CEP63: variants seen among roughly 807,000 people sequenced by gnomAD.
CEP63 encodes the protein centrosomal protein of 63 kDa.
In CEP63, 84 loss-of-function variants were observed where a neutral mutation model predicts 89.1. The observed-to-expected ratio is 0.94, with a 90% confidence interval of 0.79 to 1.13. The LOEUF (loss-of-function observed/expected upper bound fraction) is 1.13. CEP63 is among the 50% of genes most tolerant of loss of function. The pLI is 0.00. For missense variants in CEP63, 838 were observed against 813.3 expected (o/e 1.03, Z -0.37); for synonymous variants, 267 against 272.5 (o/e 0.98, Z 0.20).
chr3:134,605,222 A>T, the CEP63 span, among the ~76,000 whole-genome samples: 1 of 152,108 alleles, frequency 6.6e-6, no homozygotes, highest in Non-Finnish European at 1.5e-5. Flanking sequence ...GTAGCCCATG[A>T]GGACCCACCT....
intron 10 of CEP63, among the ~76,000 whole-genome samples, chr3:134,587,129 G>C (rs1032245621): frequency 7.2e-5 from 11 of 152,076 alleles, no homozygotes; most frequent in African/African-American, 1.9e-4. Flanking sequence ...CCTTGCGATG[G>C]GTTAGAACAT....
chr3:134,500,293 G>T (rs1390493255), intron 2 of CEP63, among the ~76,000 whole-genome samples: 1 of 152,160 alleles, frequency 6.6e-6, no homozygotes, highest in East Asian at 1.9e-4. Flanking sequence ...TTATGGCTGT[G>T]TAGTATTCCA....
At chr3:134,735,116 C>G in the CEP63 span, among the ~76,000 whole-genome samples, 1 of 152,088 alleles carries the variant, frequency 6.6e-6, no homozygotes, top group Non-Finnish European at 1.5e-5. Context: ...TCGTTTCAGC[C>G]TCACAACAAT....
At chr3:134,651,065 C>A in the CEP63 span, 1 of 1,536,940 alleles carries the variant, frequency 6.5e-7, no homozygotes, top group African/African-American at 1.4e-5. Context: ...AGGGCGAGGG[C>A]GCGGAAGAGG....
chr3:134,717,391 A>G, the CEP63 span, among the ~76,000 whole-genome samples: 24 of 152,208 alleles, frequency 1.6e-4, no homozygotes, highest in African/African-American at 5.8e-4. Flanking sequence ...GTGCATGTGT[A>G]CACTCACACT....
the CEP63 span, among the ~76,000 whole-genome samples, chr3:134,598,233 T>C: frequency 6.6e-6 from 1 of 152,220 alleles, no homozygotes; most frequent in Non-Finnish European, 1.5e-5. Context: ...CCTGTGGTGG[T>C]GCATAACTAT....
Position 134,570,203 on chromosome 3 carries a change from C to T in CEP63, c.1330-4590C>T, listed in dbSNP as rs571012508. Among the ~76,000 whole-genome samples the T allele has an allele frequency of 1.1e-4, 17 of 152,324 alleles. No homozygotes were observed. The East Asian group carries it at 1.9e-3, about 17-fold the overall frequency. The stretch of plus-strand genomic sequence containing the variant: ...CCCCATTGTCTTGGGGATTAACATT[C>T]GGCTCCTCATTACTTATGCAAATTT... On this transcript the variant is annotated intron_variant, in intron 11 of 11. Coordinates refer to the CEP63 transcript ENST00000354446.
the CEP63 span, among the ~76,000 whole-genome samples, chr3:134,736,660 T>C: frequency 6.6e-6 from 1 of 152,134 alleles, no homozygotes; most frequent in East Asian, 1.9e-4. Context: ...CATTGAAAGG[T>C]TCCTGAATAA....
the CEP63 span, among the ~76,000 whole-genome samples, chr3:134,691,191 C>T: frequency 4.6e-5 from 7 of 151,234 alleles, no homozygotes; most frequent in South Asian, 1.5e-3. Context: ...CCTGTCTCTA[C>T]AAAAAATACC....
At chr3:134,522,501 A>G (rs574069693) in intron 3 of CEP63, among the ~76,000 whole-genome samples, 1 of 152,050 alleles carries the variant, frequency 6.6e-6, no homozygotes, top group Non-Finnish European at 1.5e-5. Flanking sequence ...TCAGGGGTAC[A>G]TGTGTAGGTT....
chr3:134,643,316 C>A, the CEP63 span: 1 of 1,613,848 alleles, frequency 6.2e-7, no homozygotes, highest in South Asian at 1.1e-5. Context: ...AATCACTTAC[C>A]TTGGCTGTTG....
At chr3:134,660,666 G>T in the CEP63 span, among the ~76,000 whole-genome samples, 1 of 152,166 alleles carries the variant, frequency 6.6e-6, no homozygotes, top group Non-Finnish European at 1.5e-5. Context: ...TGCTCTCAAG[G>T]AGCTCTCGAT....
intron 10 of CEP63, among the ~76,000 whole-genome samples, chr3:134,581,151 T>C (rs1017924061): frequency 2.0e-5 from 3 of 152,224 alleles, no homozygotes; most frequent in African/African-American, 7.2e-5. Flanking sequence ...AACACAGCCC[T>C]GTTAACACCC....
intron 3 of CEP63, among the ~76,000 whole-genome samples, chr3:134,507,535 A>G (rs1267740394): frequency 6.6e-6 from 1 of 152,174 alleles, no homozygotes; most frequent in African/African-American, 2.4e-5. Context: ...AAGAAAATGT[A>G]AAAGGGTACC....
At chr3:134,777,699 C>T in the CEP63 span, among the ~76,000 whole-genome samples, 3 of 146,410 alleles carry the variant, frequency 2.0e-5, no homozygotes, top group South Asian at 4.4e-4. Context: ...CTGCAACCTC[C>T]GCCTCTCAGG....
chr3:134,781,594 C>T, the CEP63 span, among the ~76,000 whole-genome samples: 4 of 151,678 alleles, frequency 2.6e-5, no homozygotes, highest in African/African-American at 7.3e-5. Flanking sequence ...GTACACCAAG[C>T]CTCATTTACC....
rs1236382674 is a variant in CEP63, at chr3:134,559,291, T to C, written c.1815T>C (p.Pro605=). 1 of 1,614,156 alleles carries C rather than the reference T, an allele frequency of 6.2e-7. No homozygotes were observed. ...VLSPLSPQIS[P]CSSTRSLTSY... is the part of the protein sequence containing the mutation. ...GCCCCCTGAGTCCTCAAATCAGCCC[T>C]TGCAGCTCCACCAGGTCTTTGACTT... is the stretch of plus-strand genomic sequence containing the variant. The change falls in exon 14 of 15, where the codon CCT becomes CCC. Residue 605 remains proline, a synonymous_variant. Transcript: ENST00000675561.
intron 11 of CEP63, among the ~76,000 whole-genome samples, chr3:134,550,776 C>T (rs953603895): frequency 3.3e-5 from 5 of 152,154 alleles, no homozygotes; most frequent in Admixed American, 1.3e-4. Flanking sequence ...TAGGGAATGG[C>T]TGCAAGCAGG....
intron 10 of CEP63, among the ~76,000 whole-genome samples, chr3:134,585,328 G>T (rs1958461913): frequency 6.6e-6 from 1 of 152,046 alleles, no homozygotes; most frequent in Non-Finnish European, 1.5e-5. Flanking sequence ...GGCATTTAGT[G>T]CTATAAATTT....
Sources: allele counts gnomAD v4.1 joint callset (sites outside exome capture counted in the v4.1 genomes callset), GRCh38; gene constraint gnomAD v4.1.1; transcripts MANE v1.5; gene names NCBI Gene and HGNC (gene_info 2026-07-23, HGNC 2026-07-21).